SLC9C1: variants seen among roughly 807,000 people sequenced by gnomAD.
SLC9C1 encodes solute carrier family 9 member C1, also known as sodium/hydrogen exchanger 10.
Under a neutral mutation model 140.9 loss-of-function variants are expected in SLC9C1, and 97 were observed. The observed-to-expected ratio is 0.69, with a 90% CI of 0.58 to 0.82. The LOEUF (loss-of-function observed/expected upper bound fraction) is 0.82. Among genes scored for constraint, SLC9C1 ranks in the 40% least tolerant of loss-of-function variants. The probability of loss-of-function intolerance (pLI) is 0.00; values close to 1 mark genes in which losing one functional copy is unlikely to be tolerated. For synonymous variants in SLC9C1, 440 were observed against 442.6 expected (o/e 0.99, Z 0.07); for missense variants, 1,340 against 1,389.3 (o/e 0.96, Z 0.56).
chr3:112,188,202 G>A (rs942054818), intron 20 of SLC9C1, among the ~76,000 whole-genome samples: 4 of 151,916 alleles, frequency 2.6e-5, no homozygotes, highest in Admixed American at 2.0e-4. Flanking sequence ...AGGTGTAATT[G>A]CTGGTTTAAA....
rs1467964195 is a variant in SLC9C1 at position 112,155,131 on chromosome 3, T to C, written c.3365-82A>G. 1.8e-5 allele frequency: 23 copies of C among 1,245,902 alleles called. No individual in the cohort carries two copies. In the South Asian group the frequency reaches 3.0e-4, roughly 16 times the overall value. 77.2% of individuals were successfully genotyped at this position (1,245,902 alleles called of 1,614,324 possible). ...CTATTAGTCCAACTATCAGATTAGA[T>C]CAGATTCAAATCACACTCAGGACCT... On this transcript the variant is annotated intron_variant, in intron 26 of 28. Coordinates refer to ENST00000305815, the MANE Select transcript of SLC9C1 (RefSeq NM_183061.3).
At chr3:112,255,907 G>C (rs1358491957) in intron 10 of SLC9C1, among the ~76,000 whole-genome samples, 1 of 152,028 alleles carries the variant, frequency 6.6e-6, no homozygotes, top group East Asian at 1.9e-4. Flanking sequence ...TGCTACCACT[G>C]ACCCCACAAA....
At chr3:112,265,344 G>T (rs1480605444) in intron 8 of SLC9C1, among the ~76,000 whole-genome samples, 1 of 152,092 alleles carries the variant, frequency 6.6e-6, no homozygotes, top group Non-Finnish European at 1.5e-5. Flanking sequence ...ACTAATACTT[G>T]TGTAGCATTT....
chr3:112,192,440 T>C (rs972870558), intron 20 of SLC9C1, among the ~76,000 whole-genome samples: 4 of 152,226 alleles, frequency 2.6e-5, no homozygotes, highest in Admixed American at 6.5e-5. Context: ...TTTATCTTTT[T>C]AAGGTTAAAT....
At chr3:112,250,402 T>A (rs1042982413) in intron 10 of SLC9C1, among the ~76,000 whole-genome samples, 1 of 145,626 alleles carries the variant, frequency 6.9e-6, no homozygotes, top group Non-Finnish European at 1.5e-5. Context: ...TAGCAGCATG[T>A]TTTATAATCC....
In SLC9C1 at chr3:112,169,030, A is replaced by C; in HGVS notation, c.3084T>G (p.Ser1028=). The C allele has an allele frequency of 6.3e-7, 1 of 1,597,782 alleles. No individual in the cohort carries two copies. The highest frequency in any genetic ancestry group is 8.5e-7 in the Non-Finnish European group (1 of 1,175,196). ...TTGGTATATCTACTACATAAATATTAGAGAGCTTTAGTTGCATATTGTAGT... is the reference window on the plus strand; with the variant it reads ...TTGGTATATCTACTACATAAATATTCGAGAGCTTTAGTTGCATATTGTAGT... ...DWNYNMQLKL[S]NIYVVDIPMS... is the part of the protein sequence containing the mutation. Residue 1028 remains serine (S), a synonymous_variant, in exon 25 of 29, where the codon TCT becomes TCG. Coordinates refer to ENST00000305815, the MANE Select transcript of SLC9C1 (RefSeq NM_183061.3).
chr3:112,281,667 A>G (rs1159083450), intron 2 of SLC9C1, among the ~76,000 whole-genome samples: 2 of 152,218 alleles, frequency 1.3e-5, no homozygotes, highest in Non-Finnish European at 2.9e-5. Context: ...ATAATTTGTC[A>G]TATTTATTTG....
At chr3:112,149,633 G>C (rs1427689901) in intron 28 of SLC9C1, among the ~76,000 whole-genome samples, 2 of 151,568 alleles carry the variant, frequency 1.3e-5, no homozygotes, top group Non-Finnish European at 2.9e-5. Context: ...TTAGGCTGCT[G>C]AACCAGGTGA....
chr3:112,197,595 C>T (rs2108018409), intron 20 of SLC9C1, among the ~76,000 whole-genome samples: 1 of 152,208 alleles, frequency 6.6e-6, no homozygotes, highest in Non-Finnish European at 1.5e-5. Flanking sequence ...CCAAGCCTTC[C>T]CCTGAAAGTT....
At chr3:112,262,788 C>T (rs571650951) in intron 10 of SLC9C1, 136 bp downstream of exon 10, 11 of 689,444 alleles carry the variant, frequency 1.6e-5, no homozygotes, top group East Asian at 6.8e-5. Flanking sequence ...CTCCTCTCCC[C>T]GATCTTGCCA....
intron 15 of SLC9C1, among the ~76,000 whole-genome samples, chr3:112,214,231 C>T (rs2078291042): frequency 6.6e-6 from 1 of 152,198 alleles, no homozygotes; most frequent in South Asian, 2.1e-4. Flanking sequence ...AAATTTGTAG[C>T]ACTAAATGCC....
intron 26 of SLC9C1, among the ~76,000 whole-genome samples, chr3:112,165,712 G>A (rs929609189): frequency 4.6e-5 from 7 of 152,194 alleles, no homozygotes; most frequent in African/African-American, 1.4e-4. Context: ...GGCTACTCGG[G>A]GGTCAGGGAC....
At chr3:112,159,167 A>C (rs748876702) in intron 26 of SLC9C1, among the ~76,000 whole-genome samples, 1 of 151,664 alleles carries the variant, frequency 6.6e-6, no homozygotes, top group Admixed American at 6.6e-5. Flanking sequence ...TGGTTTTGCT[A>C]TATCTCATAG....
At chr3:112,262,093 C>CG (rs1380527306) in intron 10 of SLC9C1, among the ~76,000 whole-genome samples, 13 of 151,958 alleles carry the variant, frequency 8.6e-5, no homozygotes, top group African/African-American at 3.1e-4. Context: ...TAAAAACTTG[C>CG]TGATGTCCAC....
intron 16 of SLC9C1, 147 bp from the exon 17 acceptor site, chr3:112,204,550 C>T (rs2077993573): frequency 3.3e-5 from 24 of 726,206 alleles, no homozygotes; most frequent in Non-Finnish European, 4.7e-5. Flanking sequence ...ATCAAACAAA[C>T]AAGTTCATCA....
chr3:112,141,334 A>C (rs1424447558), intron 28 of SLC9C1, 53 bp from the exon 29 acceptor site: 1 of 1,545,704 alleles, frequency 6.5e-7, no homozygotes, highest in Non-Finnish European at 8.7e-7. Context: ...TGAATCTTTC[A>C]ATATTGACTT....
Position 112,217,520 on chromosome 3 carries a change from TG to T in SLC9C1, c.1711del (p.Gln571LysfsTer37), listed in dbSNP as rs777952952. ...LDTIKNYSES[Q>X]KTVTFARKLL... ...TTTTCTAGCAAAGGTAACTGTTTTT[TG>T]GCTTTCAGAATAATTCTTTATTGTA... On this transcript the variant is annotated frameshift_variant, in exon 15 of 29. Transcript: ENST00000305815. LOFTEE classifies it high-confidence loss of function. 2 of 1,609,986 alleles carry T rather than the reference TG, an allele frequency of 1.2e-6. No individual in the cohort carries two copies. Among genetic ancestry groups the T allele is most frequent in the Non-Finnish European group, 8.5e-7 (1 of 1,178,518 alleles).
At chr3:112,243,969 C>T in intron 11 of SLC9C1, 26 bp downstream of exon 11, 2 of 1,460,574 alleles carry the variant, frequency 1.4e-6, no homozygotes. Flanking sequence ...TTTCTCTCCA[C>T]AGGAATAGTA....
chr3:112,267,738 G>C (rs979339118), intron 7 of SLC9C1, among the ~76,000 whole-genome samples: 11 of 152,040 alleles, frequency 7.2e-5, no homozygotes, highest in African/African-American at 2.7e-4. Flanking sequence ...AAAATTACAA[G>C]TTGTCTATTT....
Sources: gnomAD v4.1 joint callset for allele counts (sites outside exome capture counted in the v4.1 genomes callset) on GRCh38, gnomAD v4.1.1 for gene constraint, MANE v1.5 for transcripts, NCBI Gene and HGNC (gene_info 2026-07-23, HGNC 2026-07-21) for gene names.